TCERG1L: variants seen among roughly 807,000 people sequenced by gnomAD.
TCERG1L encodes the protein transcription elongation regulator 1 like.
TCERG1L carries 37 observed loss-of-function variants against 56.3 expected under a neutral mutation model. The ratio of observed to expected loss-of-function variants is 0.66; its 90% confidence interval spans 0.51 to 0.87. TCERG1L has a LOEUF of 0.87. Among genes scored for constraint, TCERG1L ranks in the 40% least tolerant of loss-of-function variants. The pLI is 0.00. For missense variants in TCERG1L, 799 were observed against 774.2 expected, an observed-to-expected ratio of 1.03 and a Z score of -0.38; for synonymous variants, 324 against 326.3, an observed-to-expected ratio of 0.99 and a Z score of 0.08.
intron 8 of TCERG1L, among the ~76,000 whole-genome samples, chr10:131,129,233 A>C (rs558227053): frequency 1.3e-5 from 2 of 152,290 alleles, no homozygotes; most frequent in South Asian, 4.1e-4. Context: ...ACAGTCAAGG[A>C]AATTTAAACC....
intron 3 of TCERG1L, among the ~76,000 whole-genome samples, chr10:131,275,845 G>C (rs1846386845): frequency 6.6e-6 from 1 of 152,228 alleles, no homozygotes; most frequent in Non-Finnish European, 1.5e-5. Flanking sequence ...GATGGCAGTA[G>C]GCTCTCTGGA....
chr10:131,196,723 T>A (rs1845367632), intron 4 of TCERG1L, among the ~76,000 whole-genome samples: 1 of 152,210 alleles, frequency 6.6e-6, no homozygotes, highest in Non-Finnish European at 1.5e-5. Context: ...TGACTCGGCC[T>A]GACTGGCTGG....
intron 7 of TCERG1L, 82 bp from the exon 8 acceptor site, chr10:131,134,530 A>C: frequency 9.7e-7 from 1 of 1,035,592 alleles, no homozygotes; most frequent in Middle Eastern, 2.0e-4. Flanking sequence ...CTCACTTTCA[A>C]GTAGACTTAT....
chr10:131,281,313 G>A (rs767719910), intron 3 of TCERG1L, among the ~76,000 whole-genome samples: 3 of 152,084 alleles, frequency 2.0e-5, no homozygotes, highest in Admixed American at 6.5e-5. Context: ...GCTGCCCTCT[G>A]AGCGTGTCCA....
chr10:131,147,065 T>C (rs1408441159), intron 6 of TCERG1L, among the ~76,000 whole-genome samples: 2 of 152,084 alleles, frequency 1.3e-5, no homozygotes, highest in African/African-American at 4.8e-5. Flanking sequence ...AGCGGCTCCC[T>C]ACACTTCCCC....
intron 4 of TCERG1L, among the ~76,000 whole-genome samples, chr10:131,242,913 A>G (rs534377418): frequency 1.3e-5 from 2 of 152,332 alleles, no homozygotes; most frequent in South Asian, 4.1e-4. Flanking sequence ...CAGAAAGGGA[A>G]AAGTGTTAAC....
intron 3 of TCERG1L, among the ~76,000 whole-genome samples, chr10:131,275,286 G>A (rs1846379940): frequency 6.6e-6 from 1 of 152,182 alleles, no homozygotes; most frequent in South Asian, 2.1e-4. Context: ...TGGACAGAAT[G>A]TCTAATCGAG....
chr10:131,240,915 C>T (rs1589758635), intron 4 of TCERG1L, among the ~76,000 whole-genome samples: 1 of 152,346 alleles, frequency 6.6e-6, no homozygotes, highest in Non-Finnish European at 1.5e-5. Flanking sequence ...GCAGCGGCAT[C>T]AGGGCCTTTG....
chr10:131,303,246 G>A (rs1846785521), intron 3 of TCERG1L, among the ~76,000 whole-genome samples: 1 of 152,112 alleles, frequency 6.6e-6, no homozygotes, highest in Non-Finnish European at 1.5e-5. Flanking sequence ...CCCACTAATA[G>A]TGTAAAAGCG....
chr10:131,219,572 C>T (rs771650981), intron 4 of TCERG1L, among the ~76,000 whole-genome samples: 1 of 152,184 alleles, frequency 6.6e-6, no homozygotes, highest in Non-Finnish European at 1.5e-5. Flanking sequence ...TGGTGACCTG[C>T]GGGCTGCAGT....
chr10:131,224,344 A>G (rs1845769356), intron 4 of TCERG1L, among the ~76,000 whole-genome samples: 1 of 151,932 alleles, frequency 6.6e-6, no homozygotes, highest in Non-Finnish European at 1.5e-5. Flanking sequence ...CCACTGTCCC[A>G]TCCTCCTGGG....
intron 7 of TCERG1L, among the ~76,000 whole-genome samples, chr10:131,139,005 A>C (rs921309621): frequency 6.6e-6 from 1 of 152,242 alleles, no homozygotes; most frequent in East Asian, 1.9e-4. Context: ...ACACAAACAC[A>C]AAACAAATGG....
intron 4 of TCERG1L, among the ~76,000 whole-genome samples, chr10:131,240,792 G>A (rs1297893451): frequency 2.0e-5 from 3 of 152,208 alleles, no homozygotes; most frequent in African/African-American, 4.8e-5. Flanking sequence ...GCGGAGGGAC[G>A]CCTCTCACAG....
chr10:131,218,653 C>G (rs1845699599), intron 4 of TCERG1L, among the ~76,000 whole-genome samples: 3 of 152,166 alleles, frequency 2.0e-5, no homozygotes, highest in Non-Finnish European at 1.5e-5. Flanking sequence ...TGCTGTCTGC[C>G]CATAGGCGAG....
chr10:131,259,848 C>T (rs1000938212), intron 4 of TCERG1L, among the ~76,000 whole-genome samples: 12 of 152,248 alleles, frequency 7.9e-5, no homozygotes, highest in African/African-American at 2.2e-4. Flanking sequence ...GAGCAGCACA[C>T]GGCTTGGCTC....
chr10:131,205,712 C>T (rs988436993), intron 4 of TCERG1L, among the ~76,000 whole-genome samples: 19 of 152,344 alleles, frequency 1.2e-4, no homozygotes, highest in South Asian at 6.2e-4. Context: ...GCAGCATGTC[C>T]GCAGCCACCT....
chr10:131,131,668 C>T (rs1313298772), intron 8 of TCERG1L, among the ~76,000 whole-genome samples: 1 of 152,042 alleles, frequency 6.6e-6, no homozygotes, highest in African/African-American at 2.4e-5. Flanking sequence ...GCATGAGTGC[C>T]CAAAATGTGT....
intron 4 of TCERG1L, among the ~76,000 whole-genome samples, chr10:131,257,081 C>A (rs1034571890): frequency 1.6e-4 from 24 of 150,796 alleles, no homozygotes; most frequent in Non-Finnish European, 1.9e-4. Context: ...AAAAAAAGTT[C>A]TGTGAGTAAG....
chr10:131,131,156 C>T (rs1045531493), intron 8 of TCERG1L, among the ~76,000 whole-genome samples: 2 of 152,134 alleles, frequency 1.3e-5, no homozygotes, highest in African/African-American at 2.4e-5. Flanking sequence ...AGGTGTGATT[C>T]GAGCCGCGGT....
Sources: gnomAD v4.1 joint callset for allele counts (sites outside exome capture counted in the v4.1 genomes callset) on GRCh38, gnomAD v4.1.1 for gene constraint, MANE v1.5 for transcripts, NCBI Gene and HGNC (gene_info 2026-07-23, HGNC 2026-07-21) for gene names.